DIP2B: variants seen among roughly 807,000 people sequenced by gnomAD.
The protein encoded by DIP2B is DIP2 acetate--CoA ligase B (putative).
DIP2B carries 76 observed loss-of-function variants against 198.0 expected under a neutral mutation model. The ratio of observed to expected loss-of-function variants is 0.38; its 90% CI spans 0.32 to 0.46. The LOEUF is 0.46. Among genes scored for constraint, DIP2B ranks in the 20% least tolerant of loss-of-function variants. DIP2B has a pLI of 0.99. For missense variants in DIP2B, 1,559 were observed against 1,978.4 expected, an observed-to-expected ratio of 0.79 and a Z score of 4.02; for synonymous variants, 701 against 739.1, an observed-to-expected ratio of 0.95 and a Z score of 0.84.
chr12:50,626,129 T>A lies in DIP2B; in HGVS notation c.172+82T>A, dbSNP rs759676932. 1.6e-4 allele frequency: 234 copies of A among 1,434,514 alleles called. 1 individual carries two copies. In the Middle Eastern group the frequency reaches 2.1e-3, roughly 13 times the overall value. The allele number at this position is 1,434,514 out of a possible 1,614,324, so 88.9% of individuals were successfully genotyped here. ...TCTTACAAGACCTCTATCTTTTGTT[T>A]GTTCCTGTTTTTCCCTCCCTTCCTC... On this transcript the variant is annotated intron_variant, in intron 2 of 37. Transcript: ENST00000301180.
intron 1 of DIP2B, among the ~76,000 whole-genome samples, chr12:50,567,530 T>C (rs1242625816): frequency 7.3e-6 from 1 of 137,852 alleles, no homozygotes; most frequent in Non-Finnish European, 1.6e-5. Context: ...GCTTTAAAAA[T>C]CTTTTTTTTT....
At chr12:50,717,196 C>T (rs1268869141) in intron 23 of DIP2B, among the ~76,000 whole-genome samples, 1 of 151,620 alleles carries the variant, frequency 6.6e-6, no homozygotes, top group African/African-American at 2.4e-5. Flanking sequence ...CTGCCCCCCT[C>T]TGCCTCCCAA....
intron 1 of DIP2B, among the ~76,000 whole-genome samples, chr12:50,555,455 G>A (rs1309061781): frequency 6.6e-6 from 1 of 152,038 alleles, no homozygotes; most frequent in Admixed American, 6.6e-5. Flanking sequence ...TTTTGTCGCT[G>A]CTATCACTTT....
chr12:50,725,891 G>A (rs1939924815), intron 28 of DIP2B, among the ~76,000 whole-genome samples: 1 of 150,904 alleles, frequency 6.6e-6, no homozygotes, highest in Admixed American at 6.6e-5. Context: ...TCAAATGCAG[G>A]AATGACATGT....
At chr12:50,593,707 C>CTCCTCTCCTCTCCTCTCCTCTCCT (rs1958841226) in intron 1 of DIP2B, among the ~76,000 whole-genome samples, 1 of 27,380 alleles carries the variant, frequency 3.7e-5, no homozygotes, top group African/African-American at 2.0e-4. Flanking sequence ...TCTCCTCTCC[C>CTCCTCTCCTCTCCTCTCCTCTCCT]CTCCTCTCCT....
intron 1 of DIP2B, among the ~76,000 whole-genome samples, chr12:50,579,732 G>T (rs1958706417): frequency 1.6e-4 from 20 of 121,924 alleles, no homozygotes; most frequent in South Asian, 5.4e-4. Flanking sequence ...TAGCTTCATG[G>T]ACCCCTGTAA....
chr12:50,567,339 A>G (rs533046106), intron 1 of DIP2B, among the ~76,000 whole-genome samples: 21 of 152,070 alleles, frequency 1.4e-4, no homozygotes, highest in Non-Finnish European at 2.8e-4. Flanking sequence ...GTATACCTGC[A>G]TGTGTGTGTG....
At chr12:50,647,306 C>T (rs1315509839) in intron 3 of DIP2B, among the ~76,000 whole-genome samples, 1 of 151,984 alleles carries the variant, frequency 6.6e-6, no homozygotes, top group Non-Finnish European at 1.5e-5. Context: ...TCAGAGGTGA[C>T]ACAGAAGAGG....
chr12:50,580,107 A>G (rs117506339), intron 1 of DIP2B, among the ~76,000 whole-genome samples: 1 of 148,880 alleles, frequency 6.7e-6, no homozygotes, highest in Non-Finnish European at 1.5e-5. Flanking sequence ...AATTGGTCAT[A>G]TCACGTGGAC....
chr12:50,567,101 A>C (rs187282830), intron 1 of DIP2B, among the ~76,000 whole-genome samples: 95 of 146,798 alleles, frequency 6.5e-4, no homozygotes, highest in Non-Finnish European at 1.0e-3. Context: ...TGATCTTTTT[A>C]TTTGACACAC....
intron 1 of DIP2B, among the ~76,000 whole-genome samples, chr12:50,563,622 A>G (rs182278410): frequency 7.3e-5 from 11 of 151,320 alleles, no homozygotes; most frequent in Admixed American, 4.6e-4. Context: ...AAGCCTCCCA[A>G]GTAGCTGGGA....
intron 1 of DIP2B, among the ~76,000 whole-genome samples, chr12:50,574,250 TA>T (rs1297952729): frequency 6.6e-6 from 1 of 152,242 alleles, no homozygotes; most frequent in African/African-American, 2.4e-5. Flanking sequence ...GTTGTTTAGT[TA>T]AACCTGATTT....
chr12:50,611,432 C>T (rs1360656218), intron 1 of DIP2B, among the ~76,000 whole-genome samples: 3 of 152,110 alleles, frequency 2.0e-5, no homozygotes, highest in Non-Finnish European at 4.4e-5. Flanking sequence ...GTGTTATTAA[C>T]GTTTAACATT....
intron 1 of DIP2B, among the ~76,000 whole-genome samples, chr12:50,533,175 A>G (rs1027640286): frequency 5.9e-5 from 9 of 152,218 alleles, no homozygotes; most frequent in African/African-American, 2.2e-4. Context: ...ATTTTGTTTT[A>G]ATTAGCAGTT....
chr12:50,672,178 A>G (rs993426159), intron 5 of DIP2B, among the ~76,000 whole-genome samples: 4 of 152,132 alleles, frequency 2.6e-5, no homozygotes, highest in Admixed American at 6.5e-5. Flanking sequence ...TGACCTGTCT[A>G]TATCACCTAA....
At chr12:50,572,098 A>G (rs1209184855) in intron 1 of DIP2B, among the ~76,000 whole-genome samples, 2 of 152,214 alleles carry the variant, frequency 1.3e-5, no homozygotes, top group Non-Finnish European at 2.9e-5. Flanking sequence ...AACGTAAAAT[A>G]TTTATATTTG....
chr12:50,599,766 G>T (rs1958919660), intron 1 of DIP2B, among the ~76,000 whole-genome samples: 1 of 152,182 alleles, frequency 6.6e-6, no homozygotes, highest in African/African-American at 2.4e-5. Flanking sequence ...CATAGCCTTT[G>T]TCCAGGGAAC....
chr12:50,723,065 G>C, intron 26 of DIP2B, 137 bp from the exon 27 acceptor site: 1 of 979,924 alleles, frequency 1.0e-6, no homozygotes, highest in South Asian at 1.8e-5. Flanking sequence ...AATATCTTCT[G>C]CTAGGGTCTT....
chr12:50,726,668 C>CTTT (rs769357838), intron 28 of DIP2B, among the ~76,000 whole-genome samples: 1 of 109,906 alleles, frequency 9.1e-6, no homozygotes, highest in Non-Finnish European at 2.2e-5. Flanking sequence ...TTCTTTCTTT[C>CTTT]TTTTTTTTTT....
Sources: gnomAD v4.1 joint callset for allele counts (sites outside exome capture counted in the v4.1 genomes callset) on GRCh38, gnomAD v4.1.1 for gene constraint, MANE v1.5 for transcripts, NCBI Gene and HGNC (gene_info 2026-07-23, HGNC 2026-07-21) for gene names.